PTPRD: variants seen among roughly 807,000 people sequenced by gnomAD.
PTPRD encodes the protein protein tyrosine phosphatase receptor type D.
Under a neutral mutation model 214.5 loss-of-function variants are expected in PTPRD, and 34 were observed. The observed-to-expected ratio is 0.16, with a 90% CI of 0.12 to 0.21. The LOEUF is 0.21. PTPRD is among the 10% of genes least tolerant of loss of function. PTPRD has a pLI of 1.00. For missense variants in PTPRD, 2,545 were observed against 2,398.7 expected (o/e 1.06, Z -1.27); for synonymous variants, 1,128 against 845.7 (o/e 1.33, Z -5.79).
chr9:8,685,979 T>G (rs1348009566), intron 12 of PTPRD, among the ~76,000 whole-genome samples: 1 of 152,220 alleles, frequency 6.6e-6, no homozygotes, highest in Non-Finnish European at 1.5e-5. Flanking sequence ...TTGAGAAACA[T>G]CTGTCCAGTC....
chr9:9,584,394 C>T (rs2091517474), intron 7 of PTPRD, among the ~76,000 whole-genome samples: 4 of 110,708 alleles, frequency 3.6e-5, no homozygotes, highest in Admixed American at 8.4e-5. Context: ...TATGCTACCA[C>T]AAAAGACCTC....
chr9:8,417,623 A>C (rs886999047), intron 35 of PTPRD, among the ~76,000 whole-genome samples: 1 of 152,194 alleles, frequency 6.6e-6, no homozygotes, highest in Non-Finnish European at 1.5e-5. Context: ...ACCATAGTTT[A>C]CTGAGTCTGA....
chr9:9,115,836 A>G lies in PTPRD; in HGVS notation c.-143+67468T>C, dbSNP rs897989579. ...ATGGAATCAACTTAGGTGTCCATCA[A>G]TAGTGGATTTGATATAGAAAATGTA... On this transcript the variant is annotated intron_variant, in intron 10 of 45. Transcript: ENST00000381196. Among the ~76,000 whole-genome samples, 6 of 152,172 alleles carry G rather than the reference A, an allele frequency of 3.9e-5. 1 individual carries two copies. The highest frequency in any genetic ancestry group is 1.4e-4 in the African/African-American group (6 of 41,442).
chr9:9,505,313 T>A (rs1744345517), intron 8 of PTPRD, among the ~76,000 whole-genome samples: 1 of 151,594 alleles, frequency 6.6e-6, no homozygotes, highest in Admixed American at 6.6e-5. Context: ...TTATAGATCA[T>A]TTCATATCGT....
At position 10,517,081 on chromosome 9, in the gene PTPRD, AT is replaced by A. The variant is rs575556107; in HGVS notation, c.-600+95316del. ...TTTGTAATTCCACAAAAAATTTTAGATTTTTTTTCTATTTCATTAAGAAATG... is the reference window on the plus strand; with the variant it reads ...TTTGTAATTCCACAAAAAATTTTAGATTTTTTTCTATTTCATTAAGAAATG... On this transcript the variant is annotated intron_variant, in intron 2 of 45. Coordinates refer to ENST00000381196, the MANE Select transcript of PTPRD (RefSeq NM_002839.4). Among the ~76,000 whole-genome samples, 7 of 151,672 alleles carry A rather than the reference AT, an allele frequency of 4.6e-5. No homozygotes were observed. In the East Asian group the frequency reaches 1.4e-3, roughly 29 times the overall value.
intron 5 of PTPRD, among the ~76,000 whole-genome samples, chr9:9,894,890 T>C (rs961026830): frequency 1.3e-5 from 2 of 151,964 alleles, no homozygotes; most frequent in African/African-American, 4.8e-5. Flanking sequence ...ATTTTAACTG[T>C]AAGAACAAAA....
chr9:9,545,379 T>C (rs1473075710), intron 8 of PTPRD, among the ~76,000 whole-genome samples: 2 of 151,876 alleles, frequency 1.3e-5, no homozygotes, highest in Admixed American at 6.6e-5. Context: ...TTCTAGAATG[T>C]CATATAGTTT....
At chr9:8,371,969 G>C (rs2081671585) in intron 39 of PTPRD, among the ~76,000 whole-genome samples, 2 of 152,004 alleles carry the variant, frequency 1.3e-5, no homozygotes, top group Admixed American at 1.3e-4. Flanking sequence ...ATGATAAGCA[G>C]TTCACACCTC....
intron 2 of PTPRD, among the ~76,000 whole-genome samples, chr9:10,446,549 T>C (rs892476035): frequency 5.3e-5 from 8 of 150,854 alleles, no homozygotes; most frequent in Non-Finnish European, 1.2e-4. Flanking sequence ...AAATACACTC[T>C]AGATTTTAAA....
chr9:10,491,061 C>T (rs1341270454), intron 2 of PTPRD, among the ~76,000 whole-genome samples: 1 of 152,138 alleles, frequency 6.6e-6, no homozygotes, highest in Non-Finnish European at 1.5e-5. Flanking sequence ...TTGCAAGCTT[C>T]CTGAATGCAA....
chr9:8,341,274 G>T lies in PTPRD; in HGVS notation c.4948-6C>A, dbSNP rs1430230963. 6.5e-7 allele frequency: 1 copy of T among 1,548,980 alleles called. No individual in the cohort carries two copies. Among genetic ancestry groups the T allele is most frequent in the South Asian group, 1.3e-5 (1 of 79,924 alleles). On this transcript the variant is annotated splice_polypyrimidine_tract_variant and splice_region_variant and intron_variant, in intron 40 of 45. Coordinates refer to ENST00000381196, the MANE Select transcript of PTPRD (RefSeq NM_002839.4). ...GCTTTTGAGCTGGCTAGACGCTGTTGAATAGGAAAAAAAAAAAAGGAAAAA... is the reference window on the plus strand; with the variant it reads ...GCTTTTGAGCTGGCTAGACGCTGTTTAATAGGAAAAAAAAAAAAGGAAAAA...
intron 30 of PTPRD, among the ~76,000 whole-genome samples, chr9:8,482,205 C>G (rs10114195): frequency 0.33 from 49,695 of 151,954 alleles, 8,285 homozygotes; most frequent in African/African-American, 0.41. Flanking sequence ...TAGGATGACA[C>G]CATCATTCAT....
intron 23 of PTPRD, 66 bp downstream of exon 23, chr9:8,504,195 G>T: frequency 6.5e-7 from 1 of 1,546,478 alleles, no homozygotes; most frequent in South Asian, 1.1e-5. Flanking sequence ...ATTGGTGAAG[G>T]TGAAAGCTAG....
chr9:8,782,447 T>A (rs530611477), intron 11 of PTPRD, among the ~76,000 whole-genome samples: 8 of 152,268 alleles, frequency 5.3e-5, no homozygotes, highest in Admixed American at 2.0e-4. Flanking sequence ...CTGAACTTAC[T>A]CCTCCTATCT....
intron 3 of PTPRD, among the ~76,000 whole-genome samples, chr9:10,193,704 A>G (rs572645785): frequency 6.6e-5 from 10 of 152,278 alleles, no homozygotes; most frequent in African/African-American, 2.4e-4. Flanking sequence ...TCTTGTAGCA[A>G]AGGTTCTCCT....
chr9:8,398,164 A>G (rs2091636780), intron 36 of PTPRD, among the ~76,000 whole-genome samples: 1 of 152,198 alleles, frequency 6.6e-6, no homozygotes, highest in South Asian at 2.1e-4. Context: ...ACTAAAGATA[A>G]TCTTAACAAT....
chr9:9,940,364 G>A (rs1010897145), intron 4 of PTPRD, among the ~76,000 whole-genome samples: 5 of 151,996 alleles, frequency 3.3e-5, no homozygotes, highest in Non-Finnish European at 5.9e-5. Context: ...GAGTGCTTTG[G>A]AGCCTGTCAA....
chr9:10,278,711 T>C (rs117172947), intron 3 of PTPRD, among the ~76,000 whole-genome samples: 4,651 of 152,252 alleles, frequency 0.031, 317 homozygotes, highest in Admixed American at 0.16. Flanking sequence ...TGCCAATCCG[T>C]AAGTTTGAAT....
chr9:10,295,465 A>G (rs561012504), intron 3 of PTPRD, among the ~76,000 whole-genome samples: 1 of 152,208 alleles, frequency 6.6e-6, no homozygotes, highest in Admixed American at 6.6e-5. Context: ...GCCAAAAACA[A>G]CAAAACTAAA....
Sources: gnomAD v4.1 joint callset for allele counts (sites outside exome capture counted in the v4.1 genomes callset) on GRCh38, gnomAD v4.1.1 for gene constraint, MANE v1.5 for transcripts, NCBI Gene and HGNC (gene_info 2026-07-23, HGNC 2026-07-21) for gene names.